Variants in CPS1 observed in about 807,000 individuals in gnomAD.
The protein encoded by CPS1 is carbamoyl-phosphate synthase 1, also known as carbamoyl-phosphate synthase [ammonia], mitochondrial.
CPS1 carries 109 observed loss-of-function variants against 174.6 expected under a neutral mutation model. That is an observed-to-expected ratio of 0.62 (90% CI 0.53 to 0.73). The LOEUF (loss-of-function observed/expected upper bound fraction) is 0.73, where lower values mean the gene tolerates loss of function less well. Among genes scored for constraint, CPS1 ranks in the 30% least tolerant of loss-of-function variants. The probability of loss-of-function intolerance (pLI) is 0.00; values close to 1 mark genes in which losing one functional copy is unlikely to be tolerated. For missense variants in CPS1, 1,689 were observed against 1,821.9 expected (o/e 0.93, Z 1.33); for synonymous variants, 637 against 632.0 (o/e 1.01, Z -0.12).
chr2:210,556,378 G>A (rs972648568), upstream of CPS1: 4 of 477,546 alleles, frequency 8.4e-6, no homozygotes, highest in Admixed American at 9.3e-5. Flanking sequence ...GGTTGTCCAT[G>A]ATGTCTAGGT....
chr2:210,591,756 A>G (rs781677716), intron 9 of CPS1, 75 bp from the exon 10 acceptor site: 158 of 1,518,026 alleles, frequency 1.0e-4, no homozygotes, highest in Non-Finnish European at 1.3e-4. Context: ...CTTGTTCACT[A>G]CTTTATAAGG....
At position 210,606,929 on chromosome 2, in the gene CPS1, C is replaced by T; in HGVS notation, c.2180C>T (p.Ser727Leu). Residue 727 changes from serine (S) to leucine (L), a missense_variant, in exon 18 of 38, where the codon TCA (serine) becomes TTA (leucine). Ser to Leu is a moderately radical substitution (Grantham distance 145). Transcript: ENST00000233072. ...ARLSRSSALA[S>L]KATGYPLAFI... ...CTGTCCCGAAGCTCTGCTCTGGCCT[C>T]AAAAGCCACTGGGTAAGACCAGAAT... The T allele has an allele frequency of 1.2e-6, 2 of 1,612,052 alleles. No individual in the cohort carries two copies. Among genetic ancestry groups the T allele is most frequent in the Non-Finnish European group, 1.7e-6 (2 of 1,178,834 alleles).
At chr2:210,607,885 G>C (rs1279477339) in intron 18 of CPS1, among the ~76,000 whole-genome samples, 1 of 151,866 alleles carries the variant, frequency 6.6e-6, no homozygotes. Flanking sequence ...TTTGGAGACA[G>C]AGCAAGGACC....
intron 20 of CPS1, 51 bp from the exon 21 acceptor site, chr2:210,616,372 G>A (rs1699304614): frequency 8.0e-7 from 1 of 1,254,994 alleles, no homozygotes; most frequent in African/African-American, 1.5e-5. Context: ...AACCAAATAA[G>A]ACATTTAGAA....
At chr2:210,637,576 TAAC>T in intron 21 of CPS1, 123 bp from the exon 22 acceptor site, 1 of 992,964 alleles carries the variant, frequency 1.0e-6, no homozygotes, top group Non-Finnish European at 1.6e-6. Flanking sequence ...TTTTAAAAGA[TAAC>T]AAGACTTAAA....
intron 1 of CPS1, among the ~76,000 whole-genome samples, chr2:210,570,751 A>C (rs1202991175): frequency 7.4e-6 from 1 of 135,540 alleles, no homozygotes; most frequent in Non-Finnish European, 1.7e-5. Context: ...CAAGAACAAA[A>C]AAAACAATAT....
intron 1 of CPS1, among the ~76,000 whole-genome samples, chr2:210,541,372 A>G (rs1696420864): frequency 1.3e-5 from 2 of 152,198 alleles, no homozygotes; most frequent in African/African-American, 4.8e-5. Context: ...TCCCATTTGC[A>G]GCACTGGCTT....
rs1701111443 is a variant in CPS1, at chr2:210,666,686, A to G, written c.4003-1500A>G. On this transcript the variant is annotated intron_variant, in intron 33 of 37. Transcript: ENST00000233072. Reference sequence around the variant, plus strand: ...GCTCTGTTCCGTTCTATTGATCTATATCTCTGTTTTGGTACCAGTACCACG... The same window carrying G: ...GCTCTGTTCCGTTCTATTGATCTATGTCTCTGTTTTGGTACCAGTACCACG... 2.0e-5 allele frequency among the ~76,000 whole-genome samples: 3 copies of G among 152,092 alleles called. No homozygotes were observed. In the South Asian group the frequency reaches 6.2e-4, roughly 32 times the overall value.
intron 1 of CPS1, among the ~76,000 whole-genome samples, chr2:210,528,842 C>T (rs1429508748): frequency 1.6e-5 from 2 of 126,530 alleles, no homozygotes; most frequent in African/African-American, 3.0e-5. Flanking sequence ...TTTTGAGTAG[C>T]TTCCTCGGAA....
At chr2:210,585,107 A>T (rs1698061571) in intron 6 of CPS1, among the ~76,000 whole-genome samples, 1 of 152,004 alleles carries the variant, frequency 6.6e-6, no homozygotes, top group African/African-American at 2.4e-5. Context: ...CTTTGAAAGG[A>T]TTGTCTCTTT....
chr2:210,678,924 T>C lies in CPS1; in HGVS notation c.*939T>C, dbSNP rs1701620281. ...TTCATTCCCTTAAGACGATGGATTC[T>C]GTTGAACTATGGGGTCCCACACTGC... On this transcript the variant is annotated 3_prime_UTR_variant, in exon 38 of 38. Transcript: ENST00000233072. 1 of 152,246 alleles carries C rather than the reference T, an allele frequency of 6.6e-6. No homozygotes were observed. Among genetic ancestry groups the C allele is most frequent in the Non-Finnish European group, 1.5e-5 (1 of 68,036 alleles). 9.4% of individuals were successfully genotyped at this position (152,246 alleles called of 1,614,324 possible).
chr2:210,518,752 A>T (rs1695745839), intron 1 of CPS1, among the ~76,000 whole-genome samples: 1 of 152,022 alleles, frequency 6.6e-6, no homozygotes, highest in South Asian at 2.1e-4. Context: ...TTTATTACAA[A>T]ATACAAACAA....
At chr2:210,520,008 A>G (rs185159814) in intron 1 of CPS1, among the ~76,000 whole-genome samples, 46 of 152,156 alleles carry the variant, frequency 3.0e-4, no homozygotes, top group African/African-American at 1.0e-3. Flanking sequence ...GTTCTGAGAA[A>G]TACAAATCGT....
Position 210,642,596 on chromosome 2 carries a change from T to C in CPS1, c.3072T>C (p.Phe1024=). 1.2e-6 allele frequency: 2 copies of C among 1,614,090 alleles called. No homozygotes were observed. The highest frequency in any genetic ancestry group is 1.7e-6 in the Non-Finnish European group (2 of 1,179,978). ...ATCCTGAGACTGTGAGCACAGACTTTGATGAGTGTGACAAACTGTACTTTG... is the reference window on the plus strand; with the variant it reads ...ATCCTGAGACTGTGAGCACAGACTTCGATGAGTGTGACAAACTGTACTTTG... The part of the protein sequence containing the change: ...NCNPETVSTD[F]DECDKLYFEE... The change falls in exon 25 of 38, where the codon TTT becomes TTC. Residue 1024 remains phenylalanine (F), a synonymous_variant. Transcript: ENST00000233072.
At position 210,588,097 on chromosome 2, in the gene CPS1, G is replaced by A; in HGVS notation, c.661G>A (p.Val221Ile). ...VYGKGNPTKV[V>I]AVDCGIKNNV... ...CGGCAAAGGAAACCCCACAAAAGTG[G>A]TAGCTGTAGACTGTGGGATTAAAAA... The change falls in exon 7 of 38, where the codon GTA becomes ATA. Residue 221 changes from valine (V) to isoleucine (I), a missense_variant. By Grantham distance (29) the Val-to-Ile change is conservative (BLOSUM62 3). Coordinates refer to ENST00000233072, the MANE Select transcript of CPS1 (RefSeq NM_001875.5). 4 of 1,613,046 alleles carry A rather than the reference G, an allele frequency of 2.5e-6. No homozygotes were observed. The highest frequency in any genetic ancestry group is 1.3e-5 in the African/African-American group (1 of 74,956).
At chr2:210,660,374 A>T in intron 31 of CPS1, 111 bp from the exon 32 acceptor site, 1 of 1,064,102 alleles carries the variant, frequency 9.4e-7, no homozygotes, top group Non-Finnish European at 1.5e-6. Context: ...TAGCAAAACA[A>T]GAGCTGGTCC....
upstream of CPS1, among the ~76,000 whole-genome samples, chr2:210,554,134 C>G (rs1280278075): frequency 7.8e-6 from 1 of 129,022 alleles, no homozygotes; most frequent in Admixed American, 8.0e-5. Flanking sequence ...TATATACATA[C>G]ATATATATAT....
chr2:210,677,268 A>C (rs746691605), intron 37 of CPS1, 132 bp downstream of exon 37: 30 of 911,682 alleles, frequency 3.3e-5, no homozygotes, highest in Non-Finnish European at 4.9e-5. Context: ...AATTTTTAAT[A>C]ATCTAAAATA....
At chr2:210,563,254 G>T (rs1171842752) in intron 1 of CPS1, among the ~76,000 whole-genome samples, 3 of 152,036 alleles carry the variant, frequency 2.0e-5, no homozygotes, top group African/African-American at 7.2e-5. Flanking sequence ...CATACTGAAT[G>T]TTATGGCAAT....
Sources: gnomAD v4.1 joint callset for allele counts (sites outside exome capture counted in the v4.1 genomes callset) on GRCh38, gnomAD v4.1.1 for gene constraint, MANE v1.5 for transcripts, NCBI Gene and HGNC (gene_info 2026-07-23, HGNC 2026-07-21) for gene names.